GPA33: variants seen among roughly 807,000 people sequenced by gnomAD.
GPA33 encodes the protein cell surface A33 antigen.
Under a neutral mutation model 35.6 loss-of-function variants are expected in GPA33, and 27 were observed. That is an observed-to-expected ratio of 0.76 (90% CI 0.56 to 1.04). The LOEUF is 1.04. Among genes scored for constraint, GPA33 ranks in the 50% least tolerant of loss-of-function variants. GPA33 has a pLI of 0.00. For missense variants in GPA33, 428 were observed against 411.9 expected (o/e 1.04, Z -0.34); for synonymous variants, 176 against 164.0 (o/e 1.07, Z -0.56).
chr1:167,070,836 G>A (rs993117485), intron 2 of GPA33, among the ~76,000 whole-genome samples: 10 of 152,198 alleles, frequency 6.6e-5, no homozygotes, highest in African/African-American at 2.2e-4. Context: ...GAGAAGATCC[G>A]ATGGACAGAG....
intron 2 of GPA33, among the ~76,000 whole-genome samples, chr1:167,072,172 T>C (rs768050699): frequency 3.9e-5 from 6 of 152,178 alleles, no homozygotes; most frequent in Non-Finnish European, 8.8e-5. Flanking sequence ...CCTTGAGTGT[T>C]CTAGGCCACC....
chr1:167,060,917 A>C (rs558167704), intron 4 of GPA33, among the ~76,000 whole-genome samples: 21 of 152,306 alleles, frequency 1.4e-4, no homozygotes, highest in Admixed American at 1.1e-3. Flanking sequence ...CCTGTTCTCC[A>C]TGCCAAGCCT....
intron 2 of GPA33, 25 bp downstream of exon 2, chr1:167,073,360 G>A (rs1383294415): frequency 3.1e-6 from 5 of 1,601,662 alleles, no homozygotes; most frequent in African/African-American, 1.3e-5. Flanking sequence ...TTCCCATGTT[G>A]CCTGAACTTG....
intron 1 of GPA33, chr1:167,082,264 G>A (rs1162279788): frequency 2.2e-6 from 1 of 456,238 alleles, no homozygotes; most frequent in Non-Finnish European, 4.4e-6. Context: ...CTGAGATCGT[G>A]GGGCAATCTG....
chr1:167,078,197 G>C (rs1029206784), intron 1 of GPA33, among the ~76,000 whole-genome samples: 3 of 152,184 alleles, frequency 2.0e-5, no homozygotes, highest in African/African-American at 7.2e-5. Flanking sequence ...CAACCAACAA[G>C]TATTTAATAT....
Position 167,087,227 on chromosome 1 carries a change from A to G in GPA33, c.43+3018T>C, listed in dbSNP as rs981842237. Among the ~76,000 whole-genome samples, 3 of 150,072 alleles carry G rather than the reference A, an allele frequency of 2.0e-5. No individual in the cohort carries two copies. The Admixed American group carries it at 2.0e-4, about 10-fold the overall frequency. ...GTGTCTGCCATCTCAGAGCTCTCGG[A>G]TAATTGGTCACCAAAGTCTACTAAT... On this transcript the variant is annotated intron_variant, in intron 1 of 6. Transcript: ENST00000367868.
chr1:167,056,906 ATG>A (rs1666317167), intron 4 of GPA33, among the ~76,000 whole-genome samples: 21 of 86,090 alleles, frequency 2.4e-4, no homozygotes, highest in South Asian at 4.3e-4. Flanking sequence ...TGTGTGCTGC[ATG>A]TGGTGTGTGT....
intron 2 of GPA33, among the ~76,000 whole-genome samples, chr1:167,073,128 C>T (rs1314358929): frequency 3.9e-5 from 6 of 152,088 alleles, no homozygotes; most frequent in Admixed American, 3.9e-4. Flanking sequence ...GTGACTGACT[C>T]GCATGATACA....
At chr1:167,054,599 G>T in intron 6 of GPA33, 133 bp from the exon 7 acceptor site, 2 of 1,077,902 alleles carry the variant, frequency 1.9e-6, no homozygotes, top group Non-Finnish European at 1.3e-6. Context: ...GAGGACACTG[G>T]GCTGAAAGGC....
intron 2 of GPA33, among the ~76,000 whole-genome samples, chr1:167,072,153 C>T (rs1402340316): frequency 6.7e-6 from 1 of 150,044 alleles, no homozygotes; most frequent in East Asian, 2.0e-4. Flanking sequence ...CCGTCCTGCC[C>T]GCTCGAGGCC....
intron 5 of GPA33, 37 bp from the exon 6 acceptor site, chr1:167,055,148 C>G: frequency 6.2e-7 from 1 of 1,606,502 alleles, no homozygotes; most frequent in African/African-American, 1.3e-5. Context: ...TGCCGAGCTT[C>G]TAAGCTAGCT....
At position 167,054,438 on chromosome 1, in the gene GPA33, C is replaced by T; in HGVS notation, c.856G>A (p.Glu286Lys). Residue 286 changes from glutamate (E) to lysine (K), a missense_variant, in exon 7 of 7, where the codon GAG becomes AAG. Transcript: ENST00000367868. Reference sequence around the variant, plus strand: ...TCTCTGGAAAGTTCTCTTAGCTGCTCTGGTGGCTCCTCATAGGCTTCCCGG... The same window carrying T: ...TCTCTGGAAAGTTCTCTTAGCTGCTTTGGTGGCTCCTCATAGGCTTCCCGG... The part of the protein sequence containing the change: ...PNREAYEEPP[E>K]QLRELSRERE... 6.2e-7 allele frequency: 1 copy of T among 1,614,100 alleles called. No homozygotes were observed. Among genetic ancestry groups the T allele is most frequent in the Admixed American group, 1.7e-5 (1 of 60,012 alleles).
chr1:167,081,583 T>C (rs1272657477), intron 1 of GPA33, among the ~76,000 whole-genome samples: 4 of 152,168 alleles, frequency 2.6e-5, no homozygotes, highest in Non-Finnish European at 5.9e-5. Flanking sequence ...CCAATAAAAT[T>C]CTACCAATGT....
chr1:167,090,192 G>T lies in GPA33; in HGVS notation c.43+53C>A, dbSNP rs995637151. The T allele has an allele frequency of 5.8e-6, 8 of 1,384,220 alleles. No individual in the cohort carries two copies. In the African/African-American group the frequency reaches 8.5e-5, roughly 15 times the overall value. The allele number at this position is 1,384,220 out of a possible 1,614,324, so 85.7% of individuals were successfully genotyped here. ...GACAGAGCCTCTCCTTCAGCCCTAG[G>T]TCCCCATGTCTCACCCACCCCTGGG... On this transcript the variant is annotated intron_variant, in intron 1 of 6. Transcript: ENST00000367868.
chr1:167,069,681 A>C (rs549276492), intron 2 of GPA33, among the ~76,000 whole-genome samples: 1 of 152,364 alleles, frequency 6.6e-6, no homozygotes, highest in African/African-American at 2.4e-5. Context: ...AGACTGCTTC[A>C]ATTCAAATCC....
At chr1:167,082,489 G>A (rs530294013) in intron 1 of GPA33, among the ~76,000 whole-genome samples, 1 of 152,316 alleles carries the variant, frequency 6.6e-6, no homozygotes, top group Admixed American at 6.5e-5. Context: ...TGGGATTGAA[G>A]AAGGAGAAAT....
chr1:167,075,689 C>G (rs1338761265), intron 1 of GPA33, among the ~76,000 whole-genome samples: 1 of 152,146 alleles, frequency 6.6e-6, no homozygotes, highest in African/African-American at 2.4e-5. Context: ...GTCACCGGCT[C>G]TCCATCAGTT....
In GPA33 at chr1:167,082,449, AG is replaced by A. The variant is rs1666968426; in HGVS notation, c.43+7795del. 69 of 387,510 alleles carry A rather than the reference AG, an allele frequency of 1.8e-4. 1 individual carries two copies. The highest frequency in any genetic ancestry group is 1.3e-3 in the South Asian group (65 of 50,518). 24.0% of individuals were successfully genotyped at this position (387,510 alleles called of 1,614,324 possible). ...GAAAGCTGAGACCAGAGGGGCACAGAGGATCCTGAGCAGATTTCTTTAGCCC... is the reference window on the plus strand; with the variant it reads ...GAAAGCTGAGACCAGAGGGGCACAGAGATCCTGAGCAGATTTCTTTAGCCC... On this transcript the variant is annotated intron_variant, in intron 1 of 6. Transcript: ENST00000367868.
At position 167,054,134 on chromosome 1, in the gene GPA33, C is replaced by G; in HGVS notation, c.*200G>C. ...AGCCAGGAGGGGTTACTTCACAGGA[C>G]AGTGAGGTCAGCAGGATCAGCACAG... On this transcript the variant is annotated 3_prime_UTR_variant, in exon 7 of 7. Coordinates refer to ENST00000367868, the MANE Select transcript of GPA33 (RefSeq NM_005814.3). 3.1e-6 allele frequency: 2 copies of G among 653,322 alleles called. No homozygotes were observed. The highest frequency in any genetic ancestry group is 3.8e-5 in the South Asian group (2 of 52,036). The allele number at this position is 653,322 out of a possible 1,614,324, so 40.5% of individuals were successfully genotyped here. A position where few individuals can be genotyped will look rare whatever the true frequency, so the allele number is the denominator to read the frequency against.
Sources: allele counts gnomAD v4.1 joint callset (sites outside exome capture counted in the v4.1 genomes callset), GRCh38; gene constraint gnomAD v4.1.1; transcripts MANE v1.5; gene names NCBI Gene and HGNC (gene_info 2026-07-23, HGNC 2026-07-21).